Variants in NALCN observed in about 807,000 individuals in gnomAD.
NALCN encodes the protein sodium leak channel, non-selective, also known as sodium leak channel NALCN.
NALCN carries 111 observed loss-of-function variants against 225.3 expected under a neutral mutation model. The ratio of observed to expected loss-of-function variants is 0.49; its 90% confidence interval spans 0.42 to 0.58. The LOEUF is 0.58. Among genes scored for constraint, NALCN ranks in the 20% least tolerant of loss-of-function variants. NALCN has a pLI of 0.00. For synonymous variants in NALCN, 764 were observed against 769.0 expected (o/e 0.99, Z 0.11); for missense variants, 1,378 against 2,202.4 (o/e 0.63, Z 7.49).
intron 43 of NALCN, chr13:101,057,209 C>T (rs916053439): frequency 6.6e-6 from 1 of 152,290 alleles, no homozygotes; most frequent in Admixed American, 6.5e-5. Context: ...AAAACATGTA[C>T]AAGGACACTG....
intron 15 of NALCN, among the ~76,000 whole-genome samples, chr13:101,162,263 T>C (rs1395353315): frequency 6.6e-6 from 1 of 152,208 alleles, no homozygotes; most frequent in African/African-American, 2.4e-5. Flanking sequence ...ACTCCCCTAT[T>C]AGACCAGAAG....
intron 17 of NALCN, among the ~76,000 whole-genome samples, chr13:101,133,085 A>C (rs1594274773): frequency 6.6e-6 from 1 of 152,154 alleles, no homozygotes; most frequent in Non-Finnish European, 1.5e-5. Context: ...AATCAATCAG[A>C]ATATTAATTT....
At position 101,065,518 on chromosome 13, in the gene NALCN, A is replaced by C; in HGVS notation, c.4490T>G (p.Leu1497Arg). 2.5e-6 allele frequency: 4 copies of C among 1,614,168 alleles called. No individual in the cohort carries two copies. The highest frequency in any genetic ancestry group is 3.4e-6 in the Non-Finnish European group (4 of 1,180,020). The change falls in exon 40 of 44, where the codon CTG (leucine) becomes CGG (arginine). Residue 1497 changes from leucine (L) to arginine (R), a missense_variant. Coordinates refer to ENST00000251127, the MANE Select transcript of NALCN (RefSeq NM_052867.4). Reference protein sequence around the residue: ...TFRVKFLLRLLRGRLEVDLDK... With the variant: ...TFRVKFLLRLRRGRLEVDLDK... ...CAGGTCCACCTCCAGCCTCCCACGCAGTAGCCGCAGCAGGAACTTGACGCG... is the reference window on the plus strand; with the variant it reads ...CAGGTCCACCTCCAGCCTCCCACGCCGTAGCCGCAGCAGGAACTTGACGCG...
chr13:101,314,526 C>T (rs1280015702), intron 7 of NALCN, among the ~76,000 whole-genome samples: 1 of 152,104 alleles, frequency 6.6e-6, no homozygotes, highest in Admixed American at 6.5e-5. Flanking sequence ...AGTTCAGTCA[C>T]TGTGAATTCT....
chr13:101,100,129 G>T (rs2034727075), intron 27 of NALCN, among the ~76,000 whole-genome samples: 1 of 152,156 alleles, frequency 6.6e-6, no homozygotes, highest in Admixed American at 6.6e-5. Flanking sequence ...GGCAGCTAGA[G>T]CTAATGTAAA....
chr13:101,171,247 C>T lies in NALCN; in HGVS notation c.1839+5053G>A, dbSNP rs915596579. Among the ~76,000 whole-genome samples, 9 of 138,438 alleles carry T rather than the reference C, an allele frequency of 6.5e-5. No homozygotes were observed. The East Asian group carries it at 1.7e-3, about 27-fold the overall frequency. 90.8% of individuals were successfully genotyped at this position (138,438 alleles called of 152,430 possible). On this transcript the variant is annotated intron_variant, in intron 15 of 43. Transcript: ENST00000251127. ...TATATACTGTTACATATATTACACA[C>T]ATTATGTATAATTTATGTCATGTAT...
chr13:101,201,029 A>C (rs1670011063), intron 13 of NALCN, among the ~76,000 whole-genome samples: 1 of 152,312 alleles, frequency 6.6e-6, no homozygotes, highest in South Asian at 2.1e-4. Flanking sequence ...TCCCTTTGCT[A>C]TATCCCAAGC....
intron 15 of NALCN, among the ~76,000 whole-genome samples, chr13:101,155,584 C>T (rs1250355975): frequency 6.6e-6 from 1 of 152,170 alleles, no homozygotes; most frequent in Non-Finnish European, 1.5e-5. Context: ...ACTGTCCTTA[C>T]TTGGGTAAGG....
Position 101,104,137 on chromosome 13 carries a change from C to T in NALCN, c.2889+158G>A, listed in dbSNP as rs1412448121. Among the ~76,000 whole-genome samples the T allele has an allele frequency of 1.3e-5, 2 of 151,904 alleles. No individual in the cohort carries two copies. The highest frequency in any genetic ancestry group is 2.9e-5 in the Non-Finnish European group (2 of 67,996). On this transcript the variant is annotated intron_variant, in intron 25 of 43. Coordinates refer to ENST00000251127, the MANE Select transcript of NALCN (RefSeq NM_052867.4). The surrounding 1 kb of genome is among the most constrained non-coding windows in gnomAD (Gnocchi z 4.2). ...TTAATTTAGATTTTACATGCATGGC[C>T]CTTATTTGCATATAATGAACTACTC...
Position 101,057,983 on chromosome 13 carries a change from G to C in NALCN, c.4979C>G (p.Ala1660Gly), listed in dbSNP as rs1317924955. The C allele has an allele frequency of 6.2e-7, 1 of 1,613,792 alleles. No individual in the cohort carries two copies. The highest frequency in any genetic ancestry group is 1.3e-5 in the African/African-American group (1 of 74,926). ...CCCAAATTTCCTCTGGGGTTTCCCT[G>C]CGTCGGCTGCATCTTGCCGACTTCC... ...RGGSRQDAAD[A>G]GKPQRKFGQW... The change falls in exon 43 of 44, where the codon GCA (alanine) becomes GGA (glycine). Residue 1660 changes from alanine (A) to glycine (G), a missense_variant. Coordinates refer to ENST00000251127, the MANE Select transcript of NALCN (RefSeq NM_052867.4).
At chr13:101,086,833 C>T (rs1259437380) in intron 30 of NALCN, among the ~76,000 whole-genome samples, 5 of 152,070 alleles carry the variant, frequency 3.3e-5, no homozygotes, top group African/African-American at 1.2e-4. Context: ...TTCTTTAGTA[C>T]ATCATTTATT....
At position 101,401,215 on chromosome 13, in the gene NALCN, A is replaced by T. The variant is rs917490326; in HGVS notation, c.-39-2050T>A. Among the ~76,000 whole-genome samples the T allele has an allele frequency of 3.9e-5, 6 of 152,278 alleles. No homozygotes were observed. In the South Asian group the frequency reaches 1.0e-3, roughly 26 times the overall value. On this transcript the variant is annotated intron_variant, in intron 1 of 43. Coordinates refer to ENST00000251127, the MANE Select transcript of NALCN (RefSeq NM_052867.4). Reference sequence around the variant, plus strand: ...TATGGGCTTTGCAGTAGGCTGCACTAATTAATTTATGTTATATAATTGGAG... The same window carrying T: ...TATGGGCTTTGCAGTAGGCTGCACTTATTAATTTATGTTATATAATTGGAG...
At chr13:101,315,284 G>A (rs759779707) in intron 7 of NALCN, among the ~76,000 whole-genome samples, 23 of 152,210 alleles carry the variant, frequency 1.5e-4, no homozygotes, top group Non-Finnish European at 2.2e-4. Context: ...AGAAGAGAGC[G>A]AAAACTGTCA....
intron 43 of NALCN, among the ~76,000 whole-genome samples, chr13:101,056,005 C>T (rs1438848274): frequency 6.6e-6 from 1 of 152,114 alleles, no homozygotes; most frequent in Non-Finnish European, 1.5e-5. Context: ...CCCAAGTTTC[C>T]TCCATTGTAA....
intron 13 of NALCN, among the ~76,000 whole-genome samples, chr13:101,202,835 G>A (rs766639518): frequency 5.9e-5 from 9 of 152,296 alleles, no homozygotes; most frequent in Non-Finnish European, 1.2e-4. Context: ...CTTTCTAGAA[G>A]GAATGGCTGA....
chr13:101,407,766 C>T (rs1229498676), intron 1 of NALCN, among the ~76,000 whole-genome samples: 2 of 152,170 alleles, frequency 1.3e-5, no homozygotes, highest in East Asian at 3.9e-4. Flanking sequence ...AAGCATTTGA[C>T]TTTCACTTTT....
intron 18 of NALCN, among the ~76,000 whole-genome samples, chr13:101,115,010 C>T (rs771036993): frequency 6.6e-6 from 1 of 152,136 alleles, no homozygotes; most frequent in African/African-American, 2.4e-5. Flanking sequence ...TTTCTCAGCT[C>T]TTATCCACAG....
intron 6 of NALCN, among the ~76,000 whole-genome samples, chr13:101,358,741 T>A (rs1594737629): frequency 6.6e-6 from 1 of 152,150 alleles, no homozygotes; most frequent in African/African-American, 2.4e-5. Context: ...AAGATACATG[T>A]ACACGTATGT....
chr13:101,216,495 G>C (rs2040736272), intron 13 of NALCN, among the ~76,000 whole-genome samples: 1 of 146,802 alleles, frequency 6.8e-6, no homozygotes. Flanking sequence ...TGGCCACAGA[G>C]GAGTATGTTT....
Sources: gnomAD v4.1 joint callset for allele counts (sites outside exome capture counted in the v4.1 genomes callset) on GRCh38, gnomAD v4.1.1 for gene constraint, Gnocchi (gnomAD v3.1) non-coding constraint, MANE v1.5 for transcripts, NCBI Gene and HGNC (gene_info 2026-07-23, HGNC 2026-07-21) for gene names.